LYSMD1: variants seen among roughly 807,000 people sequenced by gnomAD.
LYSMD1 encodes lysM and putative peptidoglycan-binding domain-containing protein 1.
A neutral mutation model predicts 19.3 loss-of-function variants in LYSMD1; 9 were observed. The ratio of observed to expected loss-of-function variants is 0.47; its 90% CI spans 0.28 to 0.81. The LOEUF (loss-of-function observed/expected upper bound fraction) is 0.81. LYSMD1 is among the 40% of genes least tolerant of loss of function. LYSMD1 has a pLI of 0.11. For missense variants in LYSMD1, 262 were observed against 279.8 expected (o/e 0.94, Z 0.45); for synonymous variants, 111 against 111.7 (o/e 0.99, Z 0.04).
downstream of LYSMD1, among the ~76,000 whole-genome samples, chr1:151,156,888 G>T (rs1053518452): frequency 1.3e-5 from 2 of 152,188 alleles, no homozygotes; most frequent in African/African-American, 4.8e-5. Context: ...GGCAGCCTCT[G>T]AAAGACCTGG....
Position 151,161,875 on chromosome 1 carries a change from C to T in LYSMD1, c.406G>A (p.Glu136Lys). 1 of 1,614,084 alleles carries T rather than the reference C, an allele frequency of 6.2e-7. No homozygotes were observed. ...QETGAGRANG[E>K]VLPTPGQETP... Reference sequence around the variant, plus strand: ...TCCTGGCCAGGTGTGGGGAGGACTTCACCATTGGCACGTCCTGCTCCTGTC... The same window carrying T: ...TCCTGGCCAGGTGTGGGGAGGACTTTACCATTGGCACGTCCTGCTCCTGTC... The change falls in exon 2 of 3, where the codon GAA (glutamate) becomes AAA (lysine). Residue 136 changes from glutamate (E) to lysine (K), a missense_variant. Transcript: ENST00000368908.
At chr1:151,153,239 T>C in the LYSMD1 span, among the ~76,000 whole-genome samples, 1 of 152,228 alleles carries the variant, frequency 6.6e-6, no homozygotes, top group South Asian at 2.1e-4. Flanking sequence ...CTCACTCCTG[T>C]AATCTCAGCA....
the LYSMD1 span, among the ~76,000 whole-genome samples, chr1:151,153,530 C>T: frequency 6.6e-6 from 1 of 151,468 alleles, no homozygotes; most frequent in African/African-American, 2.4e-5. Context: ...TGGCACATGC[C>T]TGTAATCCCA....
chr1:151,162,361 G>A (rs1207782019), intron 1 of LYSMD1, among the ~76,000 whole-genome samples: 1 of 152,184 alleles, frequency 6.6e-6, no homozygotes, highest in African/African-American at 2.4e-5. Flanking sequence ...GGAGGCTGAG[G>A]AGGGAGGATA....
rs1683381999 is a variant in LYSMD1, at chr1:151,160,120, T to C, written c.*762A>G. The C allele has an allele frequency of 6.6e-6, 1 of 151,034 alleles. No individual in the cohort carries two copies. The highest frequency in any genetic ancestry group is 1.9e-4 in the East Asian group (1 of 5,134). 9.4% of individuals were successfully genotyped at this position (151,034 alleles called of 1,614,324 possible). ...AGCAGAACAGGTCAGAAGGGTGAAC[T>C]GGTAGAATGGAGAGTTCAGGTCCCT... On this transcript the variant is annotated 3_prime_UTR_variant, in exon 3 of 3. Coordinates refer to ENST00000368908, the MANE Select transcript of LYSMD1 (RefSeq NM_212551.5).
chr1:151,164,180 C>A (rs1449951480), intron 1 of LYSMD1, among the ~76,000 whole-genome samples: 1 of 152,174 alleles, frequency 6.6e-6, no homozygotes, highest in African/African-American at 2.4e-5. Context: ...AGGGGTGAGC[C>A]ACCATGCCTG....
chr1:151,160,753 G>C lies in LYSMD1; in HGVS notation c.*129C>G. The C allele has an allele frequency of 8.2e-7, 1 of 1,213,046 alleles. No individual in the cohort carries two copies. 75.1% of individuals were successfully genotyped at this position (1,213,046 alleles called of 1,614,324 possible). A position where few individuals can be genotyped will look rare whatever the true frequency, so the allele number is the denominator to read the frequency against. On this transcript the variant is annotated 3_prime_UTR_variant, in exon 3 of 3. Coordinates refer to ENST00000368908, the MANE Select transcript of LYSMD1 (RefSeq NM_212551.5). ...CCAAGGAATTTTTGGCAGACAAGGA[G>C]GCTGGGGAGGATGGCTGGAGTGGAG...
chr1:151,156,036 G>T (rs992748020), downstream of LYSMD1, among the ~76,000 whole-genome samples: 1 of 141,036 alleles, frequency 7.1e-6, no homozygotes, highest in Non-Finnish European at 1.5e-5. Context: ...GGAGGCAGAG[G>T]TTGCAGTGAG....
downstream of LYSMD1, among the ~76,000 whole-genome samples, chr1:151,156,093 T>C (rs1394330584): frequency 2.2e-5 from 2 of 91,844 alleles, no homozygotes; most frequent in African/African-American, 4.6e-5. Context: ...AGAGCAAAAC[T>C]CTGTCTCAAA....
At chr1:151,165,011 C>T (rs1683617954) in intron 1 of LYSMD1, 68 bp downstream of exon 1, 3 of 1,379,136 alleles carry the variant, frequency 2.2e-6, no homozygotes, top group Admixed American at 3.7e-5. Context: ...CCTAGAAGGG[C>T]CACTACATTC....
chr1:151,152,656 T>C, the LYSMD1 span, among the ~76,000 whole-genome samples: 3 of 152,006 alleles, frequency 2.0e-5, no homozygotes, highest in Admixed American at 1.3e-4. Context: ...GCCGAGATCA[T>C]GCCACTGCAC....
downstream of LYSMD1, among the ~76,000 whole-genome samples, chr1:151,154,752 T>C (rs1045194506): frequency 6.6e-6 from 1 of 152,100 alleles, no homozygotes; most frequent in African/African-American, 2.4e-5. Context: ...TTCAAGCGAA[T>C]CTCCTGCCTC....
downstream of LYSMD1, chr1:151,159,308 G>C (rs587730231): frequency 3.3e-6 from 5 of 1,529,780 alleles, no homozygotes; most frequent in African/African-American, 5.5e-5. Flanking sequence ...AGAAAACACA[G>C]ATAATGGGCT....
downstream of LYSMD1, chr1:151,159,413 A>C: frequency 8.4e-6 from 6 of 711,412 alleles, no homozygotes; most frequent in East Asian, 2.8e-5. Context: ...CCCACCCCCA[A>C]ACAGCTAGTG....
chr1:151,163,615 G>C (rs1036921364), intron 1 of LYSMD1, among the ~76,000 whole-genome samples: 1 of 151,732 alleles, frequency 6.6e-6, no homozygotes, highest in Non-Finnish European at 1.5e-5. Context: ...TGAAACCTCC[G>C]CTTCCCCAGC....
chr1:151,155,389 G>A (rs922540493), downstream of LYSMD1, among the ~76,000 whole-genome samples: 10 of 151,984 alleles, frequency 6.6e-5, no homozygotes, highest in Non-Finnish European at 1.2e-4. Flanking sequence ...TATTTCCCTC[G>A]CCAGATTCCC....
Position 151,165,395 on chromosome 1 carries a change from C to A in LYSMD1, c.-137G>T. Reference sequence around the variant, plus strand: ...CTCTTCCCCTGTGTCCCCGCCTCCCCAGCACTACGCCATCTGCCCCCTCCC... The same window carrying A: ...CTCTTCCCCTGTGTCCCCGCCTCCCAAGCACTACGCCATCTGCCCCCTCCC... On this transcript the variant is annotated 5_prime_UTR_variant, in exon 1 of 3. Coordinates refer to ENST00000368908, the MANE Select transcript of LYSMD1 (RefSeq NM_212551.5). The A allele has an allele frequency of 6.9e-7, 1 of 1,451,178 alleles. No individual in the cohort carries two copies. The highest frequency in any genetic ancestry group is 2.8e-5 in the Admixed American group (1 of 36,274). The allele number at this position is 1,451,178 out of a possible 1,614,324, so 89.9% of individuals were successfully genotyped here. A position where few individuals can be genotyped will look rare whatever the true frequency, so the allele number is the denominator to read the frequency against.
chr1:151,161,970 T>C lies in LYSMD1; in HGVS notation c.311A>G (p.Asp104Gly). ...FNGLDSEEEK[D>G]GEEKVHPSNS... ...ACTTGGGTGTACTTTTTCCTCTCCATCTTTCTCTTCCTCAGAGTCCAAACC... is the reference window on the plus strand; with the variant it reads ...ACTTGGGTGTACTTTTTCCTCTCCACCTTTCTCTTCCTCAGAGTCCAAACC... The change falls in exon 2 of 3, where the codon GAT (aspartate) becomes GGT (glycine). Residue 104 changes from aspartate to glycine, a missense_variant. By Grantham distance (94) the Asp-to-Gly change is moderately conservative. Coordinates refer to ENST00000368908, the MANE Select transcript of LYSMD1 (RefSeq NM_212551.5). 3 of 1,614,138 alleles carry C rather than the reference T, an allele frequency of 1.9e-6. No homozygotes were observed. The highest frequency in any genetic ancestry group is 2.5e-6 in the Non-Finnish European group (3 of 1,180,034).
chr1:151,161,935 C>T lies in LYSMD1; in HGVS notation c.346G>A (p.Val116Ile). Reference protein sequence around the residue: ...EEKVHPSNSEVWPHSTERKKQ... With the variant: ...EEKVHPSNSEIWPHSTERKKQ... ...TTCCTCTCAGTTGAGTGTGGCCAAA[C>T]TTCACTGTTACTTGGGTGTACTTTT... The change falls in exon 2 of 3, where the codon GTT becomes ATT. Residue 116 changes from valine to isoleucine, a missense_variant. Coordinates refer to ENST00000368908, the MANE Select transcript of LYSMD1 (RefSeq NM_212551.5). 1 of 1,614,112 alleles carries T rather than the reference C, an allele frequency of 6.2e-7. No individual in the cohort carries two copies. The highest frequency in any genetic ancestry group is 8.5e-7 in the Non-Finnish European group (1 of 1,180,020).
Sources: gnomAD v4.1 joint callset for allele counts (sites outside exome capture counted in the v4.1 genomes callset) on GRCh38, gnomAD v4.1.1 for gene constraint, MANE v1.5 for transcripts, NCBI Gene and HGNC (gene_info 2026-07-23, HGNC 2026-07-21) for gene names.